Variants in SENP2 observed in about 807,000 individuals in gnomAD.
SENP2 encodes the protein SUMO specific peptidase 2, also known as sentrin-specific protease 2.
A neutral mutation model predicts 86.3 loss-of-function variants in SENP2; 16 were observed. That is an observed-to-expected ratio of 0.19 (90% CI 0.13 to 0.28). The LOEUF is 0.28. Ranked by LOEUF, SENP2 falls within the 10% of genes least tolerant of loss-of-function variation. SENP2 has a pLI of 1.00. For synonymous variants in SENP2, 222 were observed against 238.7 expected, an observed-to-expected ratio of 0.93 and a Z score of 0.64; for missense variants, 552 against 703.0, an observed-to-expected ratio of 0.79 and a Z score of 2.43.
In SENP2 at chr3:185,590,150, A is replaced by G; in HGVS notation, c.138A>G (p.Pro46=). 1.3e-6 allele frequency: 2 copies of G among 1,555,424 alleles called. No homozygotes were observed. Among genetic ancestry groups the G allele is most frequent in the Non-Finnish European group, 1.7e-6 (2 of 1,150,312 alleles). The change falls in exon 2 of 17, where the codon CCA becomes CCG. Residue 46 remains proline, a synonymous_variant. Transcript: ENST00000296257. ...CTACAGTGGACACTGATGAAATACCAGCCAAAAGACCAAGATTAGGTACTG... is the reference window on the plus strand; with the variant it reads ...CTACAGTGGACACTGATGAAATACCGGCCAAAAGACCAAGATTAGGTACTG... ...LFSTVDTDEI[P]AKRPRLDCFI...
intron 1 of SENP2, 31 bp from the exon 2 acceptor site, chr3:185,590,079 CTATA>C: frequency 2.5e-6 from 3 of 1,182,996 alleles, no homozygotes; most frequent in Non-Finnish European, 3.6e-6. Flanking sequence ...GTGTGTAAAT[CTATA>C]TATATATATT....
chr3:185,627,558 A>G (rs1161334431), intron 16 of SENP2, among the ~76,000 whole-genome samples: 3 of 152,242 alleles, frequency 2.0e-5, no homozygotes, highest in South Asian at 4.1e-4. Context: ...GACTACAGGC[A>G]TGCGCCACCA....
At chr3:185,590,768 C>T (rs1318661073) in intron 2 of SENP2, among the ~76,000 whole-genome samples, 2 of 116,660 alleles carry the variant, frequency 1.7e-5, no homozygotes, top group African/African-American at 6.7e-5. Context: ...GGCTGAGGCA[C>T]GAGAATCGCG....
intron 6 of SENP2, among the ~76,000 whole-genome samples, chr3:185,607,637 G>A (rs750968358): frequency 6.6e-6 from 1 of 152,074 alleles, no homozygotes; most frequent in Non-Finnish European, 1.5e-5. Flanking sequence ...GCCAAGATTA[G>A]ATTCTTTTTG....
At chr3:185,596,778 G>A (rs1432708941) in intron 2 of SENP2, among the ~76,000 whole-genome samples, 1 of 152,154 alleles carries the variant, frequency 6.6e-6, no homozygotes, top group Non-Finnish European at 1.5e-5. Context: ...GTAGAATTCT[G>A]CCGTACTCGG....
chr3:185,600,739 C>T, intron 4 of SENP2, 26 bp from the exon 5 acceptor site: 2 of 1,449,562 alleles, frequency 1.4e-6, no homozygotes, highest in South Asian at 2.3e-5. Context: ...TTTCATTTTA[C>T]AATTACAAAT....
At chr3:185,588,477 C>A (rs1346339148) in intron 1 of SENP2, among the ~76,000 whole-genome samples, 1 of 152,208 alleles carries the variant, frequency 6.6e-6, no homozygotes, top group Non-Finnish European at 1.5e-5. Context: ...AGACGTGAGC[C>A]ACCGGGCCCG....
intron 2 of SENP2, among the ~76,000 whole-genome samples, chr3:185,593,394 G>A (rs184272902): frequency 5.6e-4 from 86 of 152,266 alleles, no homozygotes; most frequent in Non-Finnish European, 5.9e-4. Flanking sequence ...GATTACAGGC[G>A]TGAACCACCA....
At chr3:185,610,541 G>T (rs1398040559) in intron 7 of SENP2, among the ~76,000 whole-genome samples, 1 of 152,120 alleles carries the variant, frequency 6.6e-6, no homozygotes, top group Non-Finnish European at 1.5e-5. Context: ...AATTCTTTTG[G>T]TTTAGTCAGA....
At chr3:185,606,632 A>G (rs1042606213) in intron 6 of SENP2, 134 bp downstream of exon 6, 2 of 774,696 alleles carry the variant, frequency 2.6e-6, no homozygotes, top group African/African-American at 1.7e-5. Flanking sequence ...CTCCAACAAA[A>G]TGAGGCTGTC....
rs377025225 is a variant in SENP2 at position 185,611,624 on chromosome 3, A to T, written c.723-27A>T. On this transcript the variant is annotated intron_variant, in intron 7 of 16. Transcript: ENST00000296257. ...ATGGTAGACTTTGCTTTTGTATCTG[A>T]TCTCCCTCACTTTTTGTGTTTCTAA... is the stretch of plus-strand genomic sequence containing the variant. 3.1e-5 allele frequency: 47 copies of T among 1,516,388 alleles called. No individual in the cohort carries two copies. The African/African-American group carries it at 5.3e-4, about 17-fold the overall frequency. 93.9% of individuals were successfully genotyped at this position (1,516,388 alleles called of 1,614,324 possible).
Position 185,616,243 on chromosome 3 carries a change from T to C in SENP2, c.1111-1237T>C, listed in dbSNP as rs184280056. ...ATCCCAGCACTTTGGGAAGCCAAGA[T>C]GGGCGGATCATGAAGTCAGGAGTTC... On this transcript the variant is annotated intron_variant, in intron 11 of 16. Coordinates refer to ENST00000296257, the MANE Select transcript of SENP2 (RefSeq NM_021627.3). Among the ~76,000 whole-genome samples, 1,110 of 141,928 alleles carry C rather than the reference T, an allele frequency of 7.8e-3. 10 individuals carry two copies. The highest frequency in any genetic ancestry group is 0.027 in the African/African-American group (1,061 of 38,716). 93.1% of individuals were successfully genotyped at this position (141,928 alleles called of 152,430 possible). A position where few individuals can be genotyped will look rare whatever the true frequency, so the allele number is the denominator to read the frequency against.
Position 185,613,827 on chromosome 3 carries a change from CAAAA to C in SENP2, c.933+437_933+440del, listed in dbSNP as rs58192571. Among the ~76,000 whole-genome samples, 12 of 48,614 alleles carry C rather than the reference CAAAA, an allele frequency of 2.5e-4. No individual in the cohort carries two copies. In the East Asian group the frequency reaches 2.5e-3, roughly 10 times the overall value. 31.9% of individuals were successfully genotyped at this position (48,614 alleles called of 152,430 possible). A position where few individuals can be genotyped will look rare whatever the true frequency, so the allele number is the denominator to read the frequency against. On this transcript the variant is annotated intron_variant, in intron 10 of 16. Coordinates refer to ENST00000296257, the MANE Select transcript of SENP2 (RefSeq NM_021627.3). ...TAGGTGACAGAATGAGACTCTGTCT[CAAAA>C]AAAAAAAAAAAAAAAAAGGCAGGAA...
chr3:185,589,662 T>C (rs1175068325), intron 1 of SENP2, among the ~76,000 whole-genome samples: 2 of 152,170 alleles, frequency 1.3e-5, no homozygotes, highest in South Asian at 2.1e-4. Flanking sequence ...TTTGTTTTGC[T>C]TTTATTTTTA....
At chr3:185,600,358 G>A (rs1577723209) in intron 4 of SENP2, among the ~76,000 whole-genome samples, 2 of 152,172 alleles carry the variant, frequency 1.3e-5, no homozygotes, top group East Asian at 3.9e-4. Flanking sequence ...ACCCCTGGGA[G>A]CCAGATGTGT....
At chr3:185,626,936 G>A (rs1177425925) in intron 16 of SENP2, among the ~76,000 whole-genome samples, 3 of 151,556 alleles carry the variant, frequency 2.0e-5, no homozygotes, top group South Asian at 2.1e-4. Flanking sequence ...AATTAGCCAC[G>A]TGGTGGTGCA....
At chr3:185,628,757 T>C (rs1335526195) in intron 16 of SENP2, among the ~76,000 whole-genome samples, 3 of 152,142 alleles carry the variant, frequency 2.0e-5, no homozygotes, top group Non-Finnish European at 2.9e-5. Flanking sequence ...ATGCCCACCT[T>C]GGCCTCCCAA....
intron 15 of SENP2, among the ~76,000 whole-genome samples, chr3:185,624,935 C>T (rs6784842): frequency 0.38 from 57,800 of 151,252 alleles, 11,253 homozygotes; most frequent in South Asian, 0.56. Flanking sequence ...AGCACAGATA[C>T]AAGGAAGAGT....
chr3:185,586,420 A>T lies in SENP2; in HGVS notation c.7A>T (p.Arg3Ter). 6.2e-7 allele frequency: 1 copy of T among 1,614,046 alleles called. No homozygotes were observed. The highest frequency in any genetic ancestry group is 8.5e-7 in the Non-Finnish European group (1 of 1,180,002). The change falls in exon 1 of 17, where the codon AGA becomes TGA. Residue 3 changes from arginine to a stop codon, truncating the protein, a stop_gained. Coordinates refer to ENST00000296257, the MANE Select transcript of SENP2 (RefSeq NM_021627.3). LOFTEE classifies it high-confidence loss of function. This position sits in a 1 kb window ranked among gnomAD's most constrained non-coding sequence, Gnocchi z 4.3. ...GCTGCTGCTTGGGCCTGGTATGTAC[A>T]GATGGCTGGTTAGGATTCTCGGCAC... MY[R>*]WLVRILGTIF...
Sources: gnomAD v4.1 joint callset for allele counts (sites outside exome capture counted in the v4.1 genomes callset) on GRCh38, gnomAD v4.1.1 for gene constraint, Gnocchi (gnomAD v3.1) non-coding constraint, MANE v1.5 for transcripts, NCBI Gene and HGNC (gene_info 2026-07-23, HGNC 2026-07-21) for gene names.